RAD51B: variants seen among roughly 807,000 people sequenced by gnomAD.
RAD51B encodes the protein RAD51 paralog B, also known as DNA repair protein RAD51 homolog 2.
Under a neutral mutation model 42.2 loss-of-function variants are expected in RAD51B, and 38 were observed. The observed-to-expected ratio is 0.90, with a 90% CI of 0.70 to 1.18. The LOEUF is 1.18. RAD51B is among the 50% of genes most tolerant of loss of function. The pLI is 0.00. For synonymous variants in RAD51B, 154 were observed against 145.2 expected (o/e 1.06, Z -0.43); for missense variants, 373 against 400.7 (o/e 0.93, Z 0.59).
At chr14:68,348,559 A>G (rs1287244804) in intron 8 of RAD51B, among the ~76,000 whole-genome samples, 1 of 152,260 alleles carries the variant, frequency 6.6e-6, no homozygotes, top group African/African-American at 2.4e-5. Context: ...TCATAGGCAT[A>G]ATGCATATGT....
rs35883505 is a variant in RAD51B at position 68,020,350 on chromosome 14, A to G, written c.756+133146A>G. Among the ~76,000 whole-genome samples, 99 of 152,248 alleles carry G rather than the reference A, an allele frequency of 6.5e-4. 2 individuals carry two copies. In the East Asian group the frequency reaches 0.014, roughly 22 times the overall value. On this transcript the variant is annotated intron_variant, in intron 7 of 10. Coordinates refer to ENST00000471583, the MANE Select transcript of RAD51B (RefSeq NM_133510.4). Reference sequence around the variant, plus strand: ...GGTCTTGAACTCCTGAGCTCAAGCAATCTGCCCATCTCAGCCTCCCAGAAT... The same window carrying G: ...GGTCTTGAACTCCTGAGCTCAAGCAGTCTGCCCATCTCAGCCTCCCAGAAT...
chr14:67,921,933 C>T (rs971263488), intron 7 of RAD51B, among the ~76,000 whole-genome samples: 7 of 152,010 alleles, frequency 4.6e-5, no homozygotes, highest in South Asian at 4.2e-4. Context: ...GCATCCCCTC[C>T]GTGGTCAGTT....
intron 7 of RAD51B, among the ~76,000 whole-genome samples, chr14:68,075,774 G>A (rs767249929): frequency 2.6e-5 from 4 of 152,198 alleles, no homozygotes; most frequent in Non-Finnish European, 5.9e-5. Context: ...AGAGGAGGGG[G>A]TGAGGGCTCA....
At chr14:67,948,854 C>A (rs2140200492) in intron 7 of RAD51B, among the ~76,000 whole-genome samples, 1 of 140,444 alleles carries the variant, frequency 7.1e-6, no homozygotes, top group East Asian at 2.0e-4. Flanking sequence ...ATGGTGTGAA[C>A]CTGGGAGGCG....
chr14:68,137,484 A>T (rs551404618), intron 7 of RAD51B, among the ~76,000 whole-genome samples: 3 of 152,188 alleles, frequency 2.0e-5, no homozygotes, highest in Non-Finnish European at 2.9e-5. Flanking sequence ...CCTCTTTCCA[A>T]TTCTATTAAT....
intron 11 of RAD51B, among the ~76,000 whole-genome samples, chr14:68,655,384 G>A (rs1892791895): frequency 1.3e-5 from 2 of 152,140 alleles, no homozygotes; most frequent in Non-Finnish European, 1.5e-5. Context: ...ATGGTGATGG[G>A]GGAGGGGAGG....
In RAD51B at chr14:68,251,896, T is replaced by C. The variant is rs368891204; in HGVS notation, c.757-39988T>C. Among the ~76,000 whole-genome samples the C allele has an allele frequency of 9.1e-4, 139 of 152,230 alleles. 1 individual carries two copies. Among genetic ancestry groups the C allele is most frequent in the Non-Finnish European group, 1.6e-3 (107 of 68,034 alleles). The stretch of plus-strand genomic sequence containing the variant: ...AGTGTCCGTTATGACTGAACAAAGT[T>C]ATCACTCAGCCATGTTATCTCAGTC... On this transcript the variant is annotated intron_variant, in intron 7 of 10. Coordinates refer to ENST00000471583, the MANE Select transcript of RAD51B (RefSeq NM_133510.4).
chr14:68,646,250 A>C (rs761977596), intron 10 of RAD51B, among the ~76,000 whole-genome samples: 1 of 152,184 alleles, frequency 6.6e-6, no homozygotes, highest in Non-Finnish European at 1.5e-5. Flanking sequence ...TTTCTCACAA[A>C]AGTGGCTGCT....
chr14:68,412,514 G>A (rs2084446991), intron 9 of RAD51B, among the ~76,000 whole-genome samples: 2 of 152,220 alleles, frequency 1.3e-5, no homozygotes. Context: ...TTTCAAGGAA[G>A]CAGGAATCAT....
chr14:68,200,720 C>T (rs921621795), intron 7 of RAD51B, among the ~76,000 whole-genome samples: 46 of 152,050 alleles, frequency 3.0e-4, no homozygotes, highest in African/African-American at 1.0e-3. Flanking sequence ...GTGGTGTGAT[C>T]ACGGCTCACT....
chr14:68,097,439 A>G (rs755341444), intron 7 of RAD51B, among the ~76,000 whole-genome samples: 1 of 152,156 alleles, frequency 6.6e-6, no homozygotes, highest in Non-Finnish European at 1.5e-5. Context: ...CTCTAACTGG[A>G]TATTCAAATG....
At chr14:68,667,865 A>T (rs1228692463) in intron 11 of RAD51B, among the ~76,000 whole-genome samples, 2 of 152,182 alleles carry the variant, frequency 1.3e-5, no homozygotes, top group Non-Finnish European at 2.9e-5. Flanking sequence ...TGCCCCGTGG[A>T]TCCCCAAAAA....
intron 7 of RAD51B, among the ~76,000 whole-genome samples, chr14:67,941,578 T>A (rs1437270347): frequency 6.6e-6 from 1 of 152,208 alleles, no homozygotes; most frequent in East Asian, 1.9e-4. Context: ...TAAACTTGCC[T>A]AATTACAGCC....
intron 7 of RAD51B, among the ~76,000 whole-genome samples, chr14:68,119,537 C>A (rs1363751571): frequency 1.5e-5 from 2 of 133,724 alleles, no homozygotes; most frequent in Non-Finnish European, 3.0e-5. Context: ...TCTCATTGTT[C>A]AATTCCCACC....
intron 10 of RAD51B, among the ~76,000 whole-genome samples, chr14:68,530,928 G>A (rs373123633): frequency 6.6e-6 from 1 of 152,140 alleles, no homozygotes; most frequent in Non-Finnish European, 1.5e-5. Context: ...GAGATAATAT[G>A]TTAGTAGAAA....
intron 9 of RAD51B, chr14:68,422,323 G>C: frequency 2.0e-6 from 1 of 507,960 alleles, no homozygotes; most frequent in East Asian, 4.5e-5. Flanking sequence ...AGCACTTTGG[G>C]AGGCCGAGGC....
chr14:68,196,632 T>A (rs908406609), intron 7 of RAD51B, among the ~76,000 whole-genome samples: 2 of 152,190 alleles, frequency 1.3e-5, no homozygotes, highest in Non-Finnish European at 2.9e-5. Context: ...TTTTATTCAC[T>A]GTATTTATTA....
chr14:68,028,027 A>G (rs572876648), intron 7 of RAD51B, among the ~76,000 whole-genome samples: 89 of 151,840 alleles, frequency 5.9e-4, no homozygotes, highest in African/African-American at 2.1e-3. Context: ...GAGGGTCAGG[A>G]CTCTGTACAG....
intron 10 of RAD51B, among the ~76,000 whole-genome samples, chr14:68,636,006 T>C (rs1892332802): frequency 6.6e-6 from 1 of 152,348 alleles, no homozygotes; most frequent in South Asian, 2.1e-4. Flanking sequence ...GCTACTAATT[T>C]AATGGCAGTC....
Sources: allele counts gnomAD v4.1 joint callset (sites outside exome capture counted in the v4.1 genomes callset), GRCh38; gene constraint gnomAD v4.1.1; transcripts MANE v1.5; gene names NCBI Gene and HGNC (gene_info 2026-07-23, HGNC 2026-07-21).